The following MAPK8 variants were observed in gnomAD, a reference collection of about 807,000 sequenced individuals.
The protein encoded by MAPK8 is JUN N-terminal kinase.
A neutral mutation model predicts 52.9 loss-of-function variants in MAPK8; 13 were observed. The ratio of observed to expected loss-of-function variants is 0.25; its 90% CI spans 0.16 to 0.39. MAPK8 has a LOEUF of 0.39. Among genes scored for constraint, MAPK8 ranks in the 10% least tolerant of loss-of-function variants. The probability of loss-of-function intolerance (pLI) is 1.00; values close to 1 mark genes in which losing one functional copy is unlikely to be tolerated. For synonymous variants in MAPK8, 191 were observed against 169.8 expected (o/e 1.12, Z -0.97); for missense variants, 300 against 519.2 (o/e 0.58, Z 4.10).
intron 5 of MAPK8, among the ~76,000 whole-genome samples, chr10:48,415,780 G>A (rs562970410): frequency 4.6e-5 from 7 of 152,164 alleles, no homozygotes; most frequent in African/African-American, 1.7e-4. Flanking sequence ...ATGAAGTAGG[G>A]TTGCTATACA....
intron 1 of MAPK8, among the ~76,000 whole-genome samples, chr10:48,356,805 A>G (rs138315304): frequency 0.048 from 6,490 of 135,902 alleles, 510 homozygotes; most frequent in African/African-American, 0.17. Flanking sequence ...TTGCACCACT[A>G]CACTCCAGCC....
chr10:48,349,310 A>G (rs948975775), intron 1 of MAPK8, among the ~76,000 whole-genome samples: 1 of 152,156 alleles, frequency 6.6e-6, no homozygotes, highest in Non-Finnish European at 1.5e-5. Context: ...CCCCAAATCA[A>G]CAGAATATAC....
chr10:48,360,888 T>C (rs1795993575), intron 1 of MAPK8, among the ~76,000 whole-genome samples: 1 of 152,086 alleles, frequency 6.6e-6, no homozygotes, highest in South Asian at 2.1e-4. Context: ...GGGGGGAATT[T>C]TAAGGGATTG....
At chr10:48,416,903 T>G (rs2043095124) in intron 5 of MAPK8, among the ~76,000 whole-genome samples, 1 of 152,182 alleles carries the variant, frequency 6.6e-6, no homozygotes, top group Non-Finnish European at 1.5e-5. Flanking sequence ...TGTATTTTCC[T>G]TGAGGGCTGC....
intron 10 of MAPK8, among the ~76,000 whole-genome samples, chr10:48,427,993 AG>A (rs1279777794): frequency 6.6e-6 from 1 of 152,208 alleles, no homozygotes; most frequent in Non-Finnish European, 1.5e-5. Flanking sequence ...CATGCCTGGA[AG>A]AAAAATCCTG....
chr10:48,343,660 A>T (rs72792295), intron 1 of MAPK8, among the ~76,000 whole-genome samples: 14,650 of 152,208 alleles, frequency 0.096, 741 homozygotes, highest in Non-Finnish European at 0.11. Flanking sequence ...CCAGATTGAG[A>T]GGTGTTAGGA....
At chr10:48,420,406 A>G in intron 6 of MAPK8, 86 bp downstream of exon 6, 1 of 1,259,892 alleles carries the variant, frequency 7.9e-7, no homozygotes, top group Non-Finnish European at 1.1e-6. Context: ...ACTTAAGCAG[A>G]AGTACGTTGA....
At chr10:48,394,099 C>T (rs551005691) in intron 1 of MAPK8, among the ~76,000 whole-genome samples, 2 of 151,850 alleles carry the variant, frequency 1.3e-5, no homozygotes, top group African/African-American at 4.8e-5. Flanking sequence ...AAATAGTTGC[C>T]AAACAGCCCT....
In MAPK8 at chr10:48,427,110, G is replaced by C; in HGVS notation, c.1027G>C (p.Asp343His). The C allele has an allele frequency of 5.0e-6, 8 of 1,613,296 alleles. No homozygotes were observed. Among genetic ancestry groups the C allele is most frequent in the Non-Finnish European group, 6.8e-6 (8 of 1,179,536 alleles). Residue 343 changes from aspartate to histidine, a missense_variant, in exon 10 of 12, where the codon GAT (aspartate) becomes CAT (histidine). Transcript: ENST00000374189. ...ACCAAAGATCCCTGACAAGCAGTTA[G>C]ATGAAAGGGAACACACAATAGAAGA... Reference protein sequence around the residue: ...PPPKIPDKQLDEREHTIEEWK... With the variant: ...PPPKIPDKQLHEREHTIEEWK...
In MAPK8 at chr10:48,418,537, G is replaced by A. The variant is rs566672360; in HGVS notation, c.451-1618G>A. ...AAAGCAGGGCAGGAGATGACAGGAA[G>A]TTGTGCACTGGCCCTTCTCTTCTTT... On this transcript the variant is annotated intron_variant, in intron 5 of 11. Coordinates refer to ENST00000374189, the MANE Select transcript of MAPK8 (RefSeq NM_001323329.2). Among the ~76,000 whole-genome samples, 38 of 152,286 alleles carry A rather than the reference G, an allele frequency of 2.5e-4. No homozygotes were observed. The South Asian group carries it at 7.9e-3, about 32-fold the overall frequency.
chr10:48,373,163 A>T (rs1177237699), intron 1 of MAPK8, among the ~76,000 whole-genome samples: 1 of 152,100 alleles, frequency 6.6e-6, no homozygotes, highest in Non-Finnish European at 1.5e-5. Flanking sequence ...GATAAATAAA[A>T]TCCTTTACAG....
intron 1 of MAPK8, among the ~76,000 whole-genome samples, chr10:48,359,468 C>G (rs998078181): frequency 1.3e-5 from 2 of 152,054 alleles, no homozygotes; most frequent in Non-Finnish European, 1.5e-5. Flanking sequence ...TTTCTCTTGT[C>G]TGTGTCAAGA....
intron 1 of MAPK8, among the ~76,000 whole-genome samples, chr10:48,374,587 C>T (rs2040537132): frequency 3.3e-5 from 5 of 152,098 alleles, no homozygotes; most frequent in Admixed American, 1.3e-4. Context: ...ATACCAACTA[C>T]CATCAGAGAA....
At chr10:48,357,606 C>G (rs953524135) in intron 1 of MAPK8, among the ~76,000 whole-genome samples, 2 of 152,112 alleles carry the variant, frequency 1.3e-5, no homozygotes, top group Admixed American at 6.5e-5. Context: ...CCATGTTGCC[C>G]AGGCTGGTCT....
In MAPK8 at chr10:48,393,985, A is replaced by C. The variant is rs188999022; in HGVS notation, c.-49-7627A>C. Among the ~76,000 whole-genome samples, 72 of 152,024 alleles carry C rather than the reference A, an allele frequency of 4.7e-4. 1 individual carries two copies. Among genetic ancestry groups the C allele is most frequent in the Non-Finnish European group, 8.7e-4 (59 of 67,816 alleles). Reference sequence around the variant, plus strand: ...CAAATGAGATTAATAGGAATGAAAGAGGAGAGATGAGTATAGATTCTATAG... The same window carrying C: ...CAAATGAGATTAATAGGAATGAAAGCGGAGAGATGAGTATAGATTCTATAG... On this transcript the variant is annotated intron_variant, in intron 1 of 11. Coordinates refer to ENST00000374189, the MANE Select transcript of MAPK8 (RefSeq NM_001323329.2).
At chr10:48,395,212 A>T (rs913074514) in intron 1 of MAPK8, among the ~76,000 whole-genome samples, 7 of 152,032 alleles carry the variant, frequency 4.6e-5, no homozygotes, top group African/African-American at 1.2e-4. Context: ...TGACAATTTT[A>T]AAAAAGAACA....
intron 1 of MAPK8, among the ~76,000 whole-genome samples, chr10:48,335,153 A>G (rs976286798): frequency 6.6e-6 from 1 of 152,176 alleles, no homozygotes; most frequent in Non-Finnish European, 1.5e-5. Context: ...TGCCTTGAAA[A>G]TGGATCATTT....
In MAPK8 at chr10:48,400,107, C is replaced by G. The variant is rs2042084770; in HGVS notation, c.-49-1505C>G. On this transcript the variant is annotated intron_variant, in intron 1 of 11. Coordinates refer to ENST00000374189, the MANE Select transcript of MAPK8 (RefSeq NM_001323329.2). ...ATGGTAGGAAAATGATTAGGATGAACAATCCCTGTATGTGAGCATTGTGTG... is the reference window on the plus strand; with the variant it reads ...ATGGTAGGAAAATGATTAGGATGAAGAATCCCTGTATGTGAGCATTGTGTG... Among the ~76,000 whole-genome samples the G allele has an allele frequency of 2.6e-5, 4 of 152,178 alleles. No individual in the cohort carries two copies. In the South Asian group the frequency reaches 8.3e-4, roughly 31 times the overall value.
chr10:48,310,005 C>G (rs1423998888), intron 1 of MAPK8, among the ~76,000 whole-genome samples: 4 of 152,206 alleles, frequency 2.6e-5, no homozygotes, highest in Non-Finnish European at 4.4e-5. Flanking sequence ...TGCATTCTTA[C>G]TCTTAATGCA....
Sources: allele counts gnomAD v4.1 joint callset (sites outside exome capture counted in the v4.1 genomes callset), GRCh38; gene constraint gnomAD v4.1.1; transcripts MANE v1.5; gene names NCBI Gene and HGNC (gene_info 2026-07-23, HGNC 2026-07-21).